The following PLEKHG1 variants were observed in gnomAD, a reference collection of about 807,000 sequenced individuals.
PLEKHG1 encodes the protein pleckstrin homology and RhoGEF domain containing G1, also known as pleckstrin homology domain-containing family G member 1.
Under a neutral mutation model 100.8 loss-of-function variants are expected in PLEKHG1, and 44 were observed. The observed-to-expected ratio is 0.44, with a 90% CI of 0.34 to 0.56. The LOEUF is 0.56. Among genes scored for constraint, PLEKHG1 ranks in the 20% least tolerant of loss-of-function variants. The pLI, the probability that PLEKHG1 is intolerant of heterozygous loss-of-function variation, is 0.01. For synonymous variants in PLEKHG1, 640 were observed against 662.5 expected (o/e 0.97, Z 0.52); for missense variants, 1,545 against 1,720.9 (o/e 0.90, Z 1.81).
intron 1 of PLEKHG1, among the ~76,000 whole-genome samples, chr6:150,616,198 T>G (rs1777065377): frequency 6.6e-6 from 1 of 152,178 alleles, no homozygotes; most frequent in South Asian, 2.1e-4. Context: ...CCCACAGATC[T>G]TAGTCACTCC....
intron 1 of PLEKHG1, among the ~76,000 whole-genome samples, chr6:150,722,388 C>T (rs1781742198): frequency 8.3e-6 from 1 of 120,380 alleles, no homozygotes; most frequent in African/African-American, 3.2e-5. Flanking sequence ...GAGTCTCGCT[C>T]TGTCACCCAG....
At chr6:150,817,841 C>T (rs549694472) in intron 10 of PLEKHG1, among the ~76,000 whole-genome samples, 4 of 151,782 alleles carry the variant, frequency 2.6e-5, no homozygotes, top group African/African-American at 9.7e-5. Context: ...GGATTACAGG[C>T]GTGAGCTACC....
chr6:150,746,418 G>A (rs4869942), intron 2 of PLEKHG1, among the ~76,000 whole-genome samples: 1 of 151,980 alleles, frequency 6.6e-6, no homozygotes. Flanking sequence ...ACTCAGACTA[G>A]AAGATTAAAG....
In PLEKHG1 at chr6:150,682,165, G is replaced by A. The variant is rs112340266; in HGVS notation, c.-99+31379G>A. 3.0e-3 allele frequency among the ~76,000 whole-genome samples: 461 copies of A among 152,218 alleles called. 4 individuals are homozygous for A. The highest frequency in any genetic ancestry group is 0.011 in the African/African-American group (445 of 41,538). The stretch of plus-strand genomic sequence containing the variant: ...GTGAGGCCTGAGCCTGCATGTCTGG[G>A]CCTTGTGCTGGCAGGCCCAGCGACA... On this transcript the variant is annotated intron_variant, in intron 3 of 3. Transcript: ENST00000367326.
chr6:150,622,427 C>T (rs756057691), intron 1 of PLEKHG1, among the ~76,000 whole-genome samples: 8 of 152,092 alleles, frequency 5.3e-5, no homozygotes, highest in Non-Finnish European at 8.8e-5. Flanking sequence ...CCATCCTGTG[C>T]CTGTACCCCA....
chr6:150,828,132 A>G, intron 14 of PLEKHG1: 1 of 1,613,570 alleles, frequency 6.2e-7, no homozygotes, highest in South Asian at 1.1e-5. Context: ...CTGCATACCC[A>G]ATTATACTGA....
At chr6:150,779,310 A>T (rs1226476171) in intron 3 of PLEKHG1, among the ~76,000 whole-genome samples, 1 of 146,472 alleles carries the variant, frequency 6.8e-6, no homozygotes, top group Non-Finnish European at 1.5e-5. Context: ...CGAACATACA[A>T]TTTAAAACAC....
At chr6:150,816,995 C>A (rs375415597) in intron 10 of PLEKHG1, among the ~76,000 whole-genome samples, 1 of 152,166 alleles carries the variant, frequency 6.6e-6, no homozygotes, top group African/African-American at 2.4e-5. Context: ...GGCTGTAATG[C>A]GAGCCATGAG....
chr6:150,745,125 C>A (rs1783084864), intron 2 of PLEKHG1, among the ~76,000 whole-genome samples: 1 of 152,166 alleles, frequency 6.6e-6, no homozygotes, highest in Admixed American at 6.5e-5. Context: ...ACTTACAAAA[C>A]CTAGATTGTA....
At chr6:150,614,782 A>G (rs1173609696) in intron 1 of PLEKHG1, among the ~76,000 whole-genome samples, 1 of 152,218 alleles carries the variant, frequency 6.6e-6, no homozygotes, top group East Asian at 1.9e-4. Flanking sequence ...GTTGTGTTAC[A>G]GTCTTACTTC....
intron 1 of PLEKHG1, among the ~76,000 whole-genome samples, chr6:150,611,599 G>A (rs558515231): frequency 2.0e-4 from 31 of 152,260 alleles, no homozygotes; most frequent in Non-Finnish European, 3.8e-4. Context: ...ATCACCTGAG[G>A]TCAGGAGTTC....
At chr6:150,735,115 T>C (rs2128618855) in intron 2 of PLEKHG1, among the ~76,000 whole-genome samples, 1 of 151,672 alleles carries the variant, frequency 6.6e-6, no homozygotes, top group South Asian at 2.1e-4. Context: ...GCATCCTGAG[T>C]AGCTGGAATT....
At chr6:150,780,556 C>T (rs780533449) in intron 3 of PLEKHG1, among the ~76,000 whole-genome samples, 10 of 152,040 alleles carry the variant, frequency 6.6e-5, no homozygotes, top group Admixed American at 3.9e-4. Context: ...GCATTTACCC[C>T]GAGATAACTT....
intron 2 of PLEKHG1, among the ~76,000 whole-genome samples, chr6:150,764,372 G>A (rs988288341): frequency 6.6e-6 from 1 of 152,130 alleles, no homozygotes; most frequent in East Asian, 1.9e-4. Flanking sequence ...ACCTGTGTTT[G>A]CCTCCCAAAG....
At chr6:150,720,333 T>G (rs1315428401), upstream of PLEKHG1, among the ~76,000 whole-genome samples, 1 of 152,184 alleles carries the variant, frequency 6.6e-6, no homozygotes, top group Non-Finnish European at 1.5e-5. Flanking sequence ...CCAAAATAAT[T>G]GGAAGGTCTC....
At chr6:150,672,784 A>C (rs1779623363) in intron 3 of PLEKHG1, among the ~76,000 whole-genome samples, 1 of 152,226 alleles carries the variant, frequency 6.6e-6, no homozygotes, top group African/African-American at 2.4e-5. Flanking sequence ...GATAAGATTA[A>C]ATAAAGTAAC....
At chr6:150,802,650 A>G (rs1469739620) in intron 6 of PLEKHG1, among the ~76,000 whole-genome samples, 4 of 142,470 alleles carry the variant, frequency 2.8e-5, no homozygotes. Context: ...GGCTCCCTCT[A>G]TGTCATTCAC....
chr6:150,697,030 G>A (rs1197217673), intron 3 of PLEKHG1, among the ~76,000 whole-genome samples: 3 of 151,926 alleles, frequency 2.0e-5, no homozygotes, highest in Non-Finnish European at 4.4e-5. Flanking sequence ...CTGGGAGGCA[G>A]AGGTTGCGGT....
chr6:150,677,416 T>C (rs1203329519), intron 3 of PLEKHG1, among the ~76,000 whole-genome samples: 1 of 152,180 alleles, frequency 6.6e-6, no homozygotes, highest in Non-Finnish European at 1.5e-5. Context: ...AAGCCTACAC[T>C]GATTTCTCAC....
Sources: gnomAD v4.1 joint callset for allele counts (sites outside exome capture counted in the v4.1 genomes callset) on GRCh38, gnomAD v4.1.1 for gene constraint, MANE v1.5 for transcripts, NCBI Gene and HGNC (gene_info 2026-07-23, HGNC 2026-07-21) for gene names.